ELF1: variants seen among roughly 807,000 people sequenced by gnomAD.
The protein encoded by ELF1 is E74 like ETS transcription factor 1, also known as ETS-related transcription factor Elf-1.
A neutral mutation model predicts 59.9 loss-of-function variants in ELF1; 24 were observed. That is an observed-to-expected ratio of 0.40 (90% CI 0.29 to 0.56). The LOEUF is 0.56. Among genes scored for constraint, ELF1 ranks in the 20% least tolerant of loss-of-function variants. The pLI is 0.44. For synonymous variants in ELF1, 248 were observed against 266.2 expected, an observed-to-expected ratio of 0.93 and a Z score of 0.67; for missense variants, 627 against 742.2, an observed-to-expected ratio of 0.84 and a Z score of 1.80.
intron 1 of ELF1, among the ~76,000 whole-genome samples, chr13:41,028,171 G>A (rs1314674823): frequency 6.6e-6 from 1 of 152,158 alleles, no homozygotes; most frequent in Admixed American, 6.5e-5. Flanking sequence ...TGATTCCATG[G>A]AACTGGAGTC....
At chr13:40,975,964 A>G (rs1872881444) in intron 2 of ELF1, among the ~76,000 whole-genome samples, 1 of 152,224 alleles carries the variant, frequency 6.6e-6, no homozygotes, top group African/African-American at 2.4e-5. Flanking sequence ...TGAAAAAATT[A>G]GTAATGTGTA....
rs1194113883 is a variant in ELF1 at position 40,984,774 on chromosome 13, C to T, written c.-228-2492G>A. On this transcript the variant is annotated intron_variant, in intron 1 of 8. Transcript: ENST00000239882. ...GGTTCCAGAAGGCTATTTCAAAACC[C>T]ATTTGTTCATAAATGCAAAATGACA... 2.0e-5 allele frequency among the ~76,000 whole-genome samples: 3 copies of T among 152,140 alleles called. No individual in the cohort carries two copies. In the East Asian group the frequency reaches 5.8e-4, roughly 29 times the overall value.
intron 2 of ELF1, among the ~76,000 whole-genome samples, chr13:40,981,497 T>C (rs1873266250): frequency 6.6e-6 from 1 of 152,084 alleles, no homozygotes; most frequent in Admixed American, 6.5e-5. Flanking sequence ...ATCCCCTCAT[T>C]CTGCAGATGA....
chr13:40,956,176 G>A (rs866366020), intron 3 of ELF1, among the ~76,000 whole-genome samples: 1 of 151,316 alleles, frequency 6.6e-6, no homozygotes, highest in Admixed American at 6.6e-5. Flanking sequence ...TGGTTGCCGT[G>A]TCTGTGTAGA....
chr13:41,011,606 G>C (rs1187646788), intron 1 of ELF1, among the ~76,000 whole-genome samples: 2 of 151,906 alleles, frequency 1.3e-5, no homozygotes, highest in Non-Finnish European at 2.9e-5. Flanking sequence ...ATCATGCCTG[G>C]CTTATTTTTG....
intron 1 of ELF1, chr13:40,993,412 C>A: frequency 2.7e-6 from 2 of 730,970 alleles, no homozygotes; most frequent in Non-Finnish European, 4.7e-6. Flanking sequence ...CGGGGCTGGG[C>A]GGCTCTGTCC....
At chr13:40,994,831 C>G (rs964717871) in intron 1 of ELF1, among the ~76,000 whole-genome samples, 3 of 152,088 alleles carry the variant, frequency 2.0e-5, no homozygotes, top group Non-Finnish European at 4.4e-5. Context: ...TTTCTGTGAC[C>G]CTTTATTCTC....
chr13:40,943,136 TTG>T lies in ELF1; in HGVS notation c.620_621del (p.Thr207AsnfsTer19), dbSNP rs1566166199. ...KKKNKDGKGN[T>X]IYLWEFLLAL... ...GCCAGTAAAAACTCCCAAAGATAAA[TTG>T]TGTTTCCTGAAACAAAAACAATTTC... On this transcript the variant is annotated frameshift_variant, in exon 7 of 9. Coordinates refer to ENST00000239882, the MANE Select transcript of ELF1 (RefSeq NM_172373.4). LOFTEE classifies it high-confidence loss of function. 1.3e-6 allele frequency: 2 copies of T among 1,502,344 alleles called. No homozygotes were observed. The highest frequency in any genetic ancestry group is 8.9e-7 in the Non-Finnish European group (1 of 1,117,618). The allele number at this position is 1,502,344 out of a possible 1,614,324, so 93.1% of individuals were successfully genotyped here.
rs201498733 is a variant in ELF1, at chr13:40,940,889, A to G, written c.1256+32T>C. On this transcript the variant is annotated intron_variant, in intron 8 of 8. Coordinates refer to ENST00000239882, the MANE Select transcript of ELF1 (RefSeq NM_172373.4). ...ATGTCTCTGGTCAGAAACATATTGA[A>G]GTGATAAGCATCAGTAGTTTGGTTT... is the stretch of plus-strand genomic sequence containing the variant. 3 of 1,566,830 alleles carry G rather than the reference A, an allele frequency of 1.9e-6. No individual in the cohort carries two copies. In the East Asian group the frequency reaches 6.8e-5, roughly 35 times the overall value.
intron 1 of ELF1, among the ~76,000 whole-genome samples, chr13:41,037,679 C>T (rs1483085932): frequency 6.6e-6 from 1 of 151,828 alleles, no homozygotes; most frequent in Non-Finnish European, 1.5e-5. Context: ...GCCTGTAGTC[C>T]CAGCTACTAG....
chr13:40,988,101 A>G (rs1873652449), intron 1 of ELF1, among the ~76,000 whole-genome samples: 1 of 152,224 alleles, frequency 6.6e-6, no homozygotes, highest in Non-Finnish European at 1.5e-5. Context: ...GTTTTCTATT[A>G]TAACATGGTA....
intron 1 of ELF1, among the ~76,000 whole-genome samples, chr13:41,044,319 ACT>A (rs1876749585): frequency 6.6e-6 from 1 of 152,190 alleles, no homozygotes; most frequent in Admixed American, 6.5e-5. Context: ...CCTGGCCAGA[ACT>A]TCCAACACTA....
upstream of ELF1, among the ~76,000 whole-genome samples, chr13:41,024,141 A>G (rs1875791650): frequency 1.3e-5 from 2 of 152,212 alleles, no homozygotes; most frequent in Admixed American, 6.5e-5. Context: ...TAAATTTTAA[A>G]TTCAATATTA....
chr13:40,943,188 TA>T, intron 6 of ELF1, 44 bp from the exon 7 acceptor site: 1 of 1,431,364 alleles, frequency 7.0e-7, no homozygotes, highest in Non-Finnish European at 9.3e-7. Context: ...AAATTTCATT[TA>T]AAAGAACCTC....
chr13:41,034,224 T>G (rs1225909724), intron 1 of ELF1, among the ~76,000 whole-genome samples: 4 of 152,268 alleles, frequency 2.6e-5, no homozygotes, highest in South Asian at 2.1e-4. Context: ...ATGAGAGAGA[T>G]AACCATTAAG....
At chr13:40,968,428 T>C (rs1872318681) in intron 2 of ELF1, among the ~76,000 whole-genome samples, 4 of 152,202 alleles carry the variant, frequency 2.6e-5, no homozygotes. Flanking sequence ...ATACAGAACA[T>C]ATTTATATTC....
chr13:40,997,184 CCT>C (rs1874167890), intron 1 of ELF1, among the ~76,000 whole-genome samples: 1 of 152,138 alleles, frequency 6.6e-6, no homozygotes, highest in Non-Finnish European at 1.5e-5. Flanking sequence ...CTTCCTGCTC[CCT>C]GTGTGAGTGA....
chr13:40,955,391 C>A (rs1460344008), intron 3 of ELF1, among the ~76,000 whole-genome samples: 1 of 143,266 alleles, frequency 7.0e-6, no homozygotes, highest in African/African-American at 2.6e-5. Context: ...CATCCCCCTG[C>A]CCGGCCAGCT....
At chr13:40,951,484 T>TA in intron 3 of ELF1, 48 bp from the exon 4 acceptor site, 1 of 1,503,552 alleles carries the variant, frequency 6.7e-7, no homozygotes, top group Non-Finnish European at 9.2e-7. Flanking sequence ...AGACATCTGT[T>TA]ACTCTGAAAG....
Sources: allele counts gnomAD v4.1 joint callset (sites outside exome capture counted in the v4.1 genomes callset), GRCh38; gene constraint gnomAD v4.1.1; transcripts MANE v1.5; gene names NCBI Gene and HGNC (gene_info 2026-07-23, HGNC 2026-07-21).